Variants in SORCS2 observed in about 807,000 individuals in gnomAD.
SORCS2 encodes the protein VPS10 domain-containing receptor SorCS2.
A neutral mutation model predicts 141.6 loss-of-function variants in SORCS2; 100 were observed. That is an observed-to-expected ratio of 0.71 (90% CI 0.60 to 0.83). The LOEUF (loss-of-function observed/expected upper bound fraction) is 0.83, where lower values mean the gene tolerates loss of function less well. SORCS2 is among the 40% of genes least tolerant of loss of function. The pLI is 0.00. For synonymous variants in SORCS2, 789 were observed against 676.9 expected (o/e 1.17, Z -2.57); for missense variants, 1,646 against 1,560.2 (o/e 1.05, Z -0.93).
At chr4:7,612,650 A>AC (rs1419007053) in intron 3 of SORCS2, among the ~76,000 whole-genome samples, 2 of 152,160 alleles carry the variant, frequency 1.3e-5, no homozygotes, top group African/African-American at 4.8e-5. Flanking sequence ...AGCTCTTGCC[A>AC]CCTGCCTCAG....
intron 2 of SORCS2, among the ~76,000 whole-genome samples, chr4:7,462,265 T>C (rs1357580960): frequency 6.6e-6 from 1 of 152,164 alleles, no homozygotes; most frequent in Non-Finnish European, 1.5e-5. Context: ...GCCTGGGACT[T>C]TAATCCCAAA....
intron 1 of SORCS2, among the ~76,000 whole-genome samples, chr4:7,323,510 G>A (rs1390981526): frequency 1.3e-5 from 2 of 152,168 alleles, no homozygotes; most frequent in African/African-American, 4.8e-5. Flanking sequence ...ATGGCTCTGA[G>A]GGGGGTCAGA....
intron 2 of SORCS2, among the ~76,000 whole-genome samples, chr4:7,417,986 G>C (rs1328694476): frequency 6.6e-6 from 1 of 152,200 alleles, no homozygotes; most frequent in Non-Finnish European, 1.5e-5. Context: ...GAGCTTCATG[G>C]CTGGTGTCTG....
Position 7,740,960 on chromosome 4 carries a change from C to T in SORCS2, c.*696C>T. 1 of 398,326 alleles carries T rather than the reference C, an allele frequency of 2.5e-6. No homozygotes were observed. The highest frequency in any genetic ancestry group is 4.4e-6 in the Non-Finnish European group (1 of 226,392). 24.7% of individuals were successfully genotyped at this position (398,326 alleles called of 1,614,324 possible). The stretch of plus-strand genomic sequence containing the variant: ...TCCCTGAGTGCCCAGGGTGTCTCCT[C>T]TGCCCAGAGGGGCAGCAGCTCTCCC... On this transcript the variant is annotated 3_prime_UTR_variant, in exon 27 of 27. Transcript: ENST00000507866.
chr4:7,632,047 TC>T (rs924302607), intron 3 of SORCS2, among the ~76,000 whole-genome samples: 11 of 152,136 alleles, frequency 7.2e-5, no homozygotes, highest in African/African-American at 2.7e-4. Context: ...GCACACAGGC[TC>T]CCTGGCCTCA....
At chr4:7,195,888 C>A (rs1255022692) in intron 1 of SORCS2, among the ~76,000 whole-genome samples, 1 of 152,238 alleles carries the variant, frequency 6.6e-6, no homozygotes, top group Non-Finnish European at 1.5e-5. Context: ...AACTTGCTTG[C>A]CGCCCTCTGC....
intron 1 of SORCS2, among the ~76,000 whole-genome samples, chr4:7,380,256 G>A (rs779908209): frequency 2.0e-4 from 30 of 152,314 alleles, no homozygotes; most frequent in Middle Eastern, 3.4e-3. Context: ...AGCTTGTCTG[G>A]GGGCCCCAAG....
At chr4:7,561,386 A>G (rs978244749) in intron 3 of SORCS2, among the ~76,000 whole-genome samples, 9 of 152,088 alleles carry the variant, frequency 5.9e-5, no homozygotes, top group South Asian at 2.1e-4. Context: ...ATGTTTGTTC[A>G]TCCATACATC....
chr4:7,348,646 G>A (rs1336485896), intron 1 of SORCS2, among the ~76,000 whole-genome samples: 2 of 152,146 alleles, frequency 1.3e-5, no homozygotes, highest in African/African-American at 4.8e-5. Flanking sequence ...CTGCCTCCTG[G>A]GTTCAAGAGA....
Position 7,740,417 on chromosome 4 carries a change from C to G in SORCS2, c.*153C>G. ...CAGGCACCACCCCCTCTGATAAATC[C>G]AAGCCCGCCCAGGCCCACGGGGGGC... On this transcript the variant is annotated 3_prime_UTR_variant, in exon 27 of 27. Transcript: ENST00000507866. The G allele has an allele frequency of 1.4e-6, 1 of 690,526 alleles. No individual in the cohort carries two copies. Among genetic ancestry groups the G allele is most frequent in the East Asian group, 2.7e-5 (1 of 36,440 alleles). 42.8% of individuals were successfully genotyped at this position (690,526 alleles called of 1,614,324 possible).
At chr4:7,631,637 T>A (rs1719902016) in intron 3 of SORCS2, among the ~76,000 whole-genome samples, 1 of 152,124 alleles carries the variant, frequency 6.6e-6, no homozygotes, top group Admixed American at 6.5e-5. Flanking sequence ...CTGTCTGCTG[T>A]GACCCCCCCG....
intron 3 of SORCS2, among the ~76,000 whole-genome samples, chr4:7,536,730 C>T (rs967239051): frequency 6.6e-6 from 1 of 151,692 alleles, no homozygotes; most frequent in Non-Finnish European, 1.5e-5. Context: ...TTGCATGAAA[C>T]TTATCTACTT....
rs1723607384 is a variant in SORCS2 at position 7,682,785 on chromosome 4, G to T, written c.1384G>T (p.Asp462Tyr). Residue 462 changes from aspartate to tyrosine, a missense_variant, in exon 10 of 27, where the codon GAT becomes TAT. Physicochemically the swap from Asp to Tyr is radical, Grantham distance 160 (BLOSUM62 -3). Coordinates refer to ENST00000507866, the MANE Select transcript of SORCS2 (RefSeq NM_020777.3). ...AGTCTTCCTGGCAAACCAAAAAATT[G>T]ATGGGAAAGTGATGACGCTTATAAC... ...KGVFLANQKI[D>Y]GKVMTLITYN... The T allele has an allele frequency of 1.9e-6, 3 of 1,612,310 alleles. No individual in the cohort carries two copies. Among genetic ancestry groups the T allele is most frequent in the Non-Finnish European group, 2.5e-6 (3 of 1,179,236 alleles).
rs116760863 is a variant in SORCS2, at chr4:7,234,255, G to A, written c.480+41129G>A. ...GCTGCCTGGGGCCGAGAATAGTAGC[G>A]TGGGCTTTGCAGTTGTGGGGACACT... On this transcript the variant is annotated intron_variant, in intron 1 of 26. Coordinates refer to ENST00000507866, the MANE Select transcript of SORCS2 (RefSeq NM_020777.3). Among the ~76,000 whole-genome samples the A allele has an allele frequency of 1.2e-3, 190 of 152,356 alleles. 2 individuals are homozygous for A. The highest frequency in any genetic ancestry group is 3.9e-3 in the East Asian group (20 of 5,190).
At chr4:7,255,323 A>AG (rs1713782748) in intron 1 of SORCS2, among the ~76,000 whole-genome samples, 1 of 152,086 alleles carries the variant, frequency 6.6e-6, no homozygotes, top group Non-Finnish European at 1.5e-5. Context: ...TGGGACCTAA[A>AG]GGGAGATCCT....
intron 1 of SORCS2, among the ~76,000 whole-genome samples, chr4:7,231,012 A>G (rs371909006): frequency 1.3e-5 from 2 of 152,156 alleles, no homozygotes; most frequent in African/African-American, 4.8e-5. Flanking sequence ...ATCCATATCC[A>G]TATCCATATC....
intron 1 of SORCS2, among the ~76,000 whole-genome samples, chr4:7,344,635 A>G (rs1193530337): frequency 1.3e-5 from 2 of 152,098 alleles, no homozygotes; most frequent in African/African-American, 4.8e-5. Flanking sequence ...GTGGACACTG[A>G]GGTGAGGGGC....
At chr4:7,456,954 T>A (rs1728951132) in intron 2 of SORCS2, among the ~76,000 whole-genome samples, 2 of 149,738 alleles carry the variant, frequency 1.3e-5, no homozygotes, top group African/African-American at 4.9e-5. Flanking sequence ...CGCAGCCACC[T>A]CCAGGGTTGT....
intron 3 of SORCS2, among the ~76,000 whole-genome samples, chr4:7,564,800 T>C (rs1329330922): frequency 6.6e-6 from 1 of 152,234 alleles, no homozygotes; most frequent in African/African-American, 2.4e-5. Context: ...ATTACAAACA[T>C]TTTATTCGAG....
Sources: gnomAD v4.1 joint callset for allele counts (sites outside exome capture counted in the v4.1 genomes callset) on GRCh38, gnomAD v4.1.1 for gene constraint, MANE v1.5 for transcripts, NCBI Gene and HGNC (gene_info 2026-07-23, HGNC 2026-07-21) for gene names.